OTOG: variants seen among roughly 807,000 people sequenced by gnomAD.
The protein encoded by OTOG is otogelin.
A neutral mutation model predicts 313.8 loss-of-function variants in OTOG; 296 were observed. The observed-to-expected ratio is 0.94, with a 90% CI of 0.86 to 1.04. The LOEUF (loss-of-function observed/expected upper bound fraction) is 1.04. Ranked by LOEUF, OTOG falls within the 50% of genes least tolerant of loss-of-function variation. The pLI is 0.00. For missense variants in OTOG, 3,948 were observed against 3,840.1 expected, an observed-to-expected ratio of 1.03 and a Z score of -0.74; for synonymous variants, 1,533 against 1,554.9, an observed-to-expected ratio of 0.99 and a Z score of 0.33.
chr11:17,602,508 A>C, intron 32 of OTOG, 131 bp downstream of exon 32: 1 of 1,068,366 alleles, frequency 9.4e-7, no homozygotes, highest in South Asian at 1.7e-5. Flanking sequence ...CCCCTCTCCC[A>C]GTTGAGATGG....
At position 17,561,422 on chromosome 11, in the gene OTOG, A is replaced by G. The variant is rs11024321; in HGVS notation, c.1499-240A>G. On this transcript the variant is annotated intron_variant, in intron 14 of 55. Coordinates refer to ENST00000399397, the MANE Select transcript of OTOG (RefSeq NM_001292063.2). Reference sequence around the variant, plus strand: ...TGGCCTGAGGCTGGTCCTCAAGGCTAGGCCCTGGTCTCCCCTCCAAGGGAG... The same window carrying G: ...TGGCCTGAGGCTGGTCCTCAAGGCTGGGCCCTGGTCTCCCCTCCAAGGGAG... 7.3e-3 allele frequency among the ~76,000 whole-genome samples: 1,118 copies of G among 152,312 alleles called. 7 individuals carry two copies. Among genetic ancestry groups the G allele is most frequent in the Non-Finnish European group, 0.013 (855 of 68,032 alleles).
In OTOG at chr11:17,631,854, G is replaced by T. The variant is rs1417295425; in HGVS notation, c.6865G>T (p.Ala2289Ser). ...GQTRFRPDSC[A>S]TTDCSPCLRM... is the part of the protein sequence containing the mutation. Reference sequence around the variant, plus strand: ...GACCCGCTTCCGCCCAGACAGCTGCGCCACAACTGACTGCTCGCCCTGCCT... The same window carrying T: ...GACCCGCTTCCGCCCAGACAGCTGCTCCACAACTGACTGCTCGCCCTGCCT... The change falls in exon 41 of 56, where the codon GCC (alanine) becomes TCC (serine). Residue 2289 changes from alanine (A) to serine (S), a missense_variant. Transcript: ENST00000399397. 6.4e-7 allele frequency: 1 copy of T among 1,550,448 alleles called. No homozygotes were observed.
rs535312212 is a variant in OTOG, at chr11:17,640,992, C to T, written c.8091C>T (p.Gly2697=). 121 of 1,548,496 alleles carry T rather than the reference C, an allele frequency of 7.8e-5. No homozygotes were observed. Among genetic ancestry groups the T allele is most frequent in the Non-Finnish European group, 9.7e-5 (111 of 1,146,978 alleles). Residue 2697 remains glycine, a synonymous_variant, in exon 51 of 56, where the codon GGC becomes GGT. Coordinates refer to ENST00000399397, the MANE Select transcript of OTOG (RefSeq NM_001292063.2). ...GQTVVELSAD[G]VCHTSRCTTV... is the part of the protein sequence containing the mutation. ...CAGTGGTGGAGCTCTCAGCAGATGGCGTGTGCCACACCTCCCGCTGCACCA... is the reference window on the plus strand; with the variant it reads ...CAGTGGTGGAGCTCTCAGCAGATGGTGTGTGCCACACCTCCCGCTGCACCA...
In OTOG at chr11:17,559,039, T is replaced by C. The variant is rs1466355036; in HGVS notation, c.1104-13T>C. ...GGTTTTGTTCCAGTGTGACCCTTGG[T>C]TTCTCTGCACAGATCAATGGGTGAT... On this transcript the variant is annotated splice_polypyrimidine_tract_variant and intron_variant, in intron 10 of 55. Coordinates refer to ENST00000399397, the MANE Select transcript of OTOG (RefSeq NM_001292063.2). The C allele has an allele frequency of 1.3e-6, 2 of 1,545,678 alleles. No homozygotes were observed.
At chr11:17,575,509 A>C (rs1425835215) in intron 20 of OTOG, among the ~76,000 whole-genome samples, 1 of 152,194 alleles carries the variant, frequency 6.6e-6, no homozygotes, top group Admixed American at 6.5e-5. Context: ...GGGGTGGCTC[A>C]AGGCCCAGCT....
chr11:17,559,432 A>G, intron 11 of OTOG, 102 bp from the exon 12 acceptor site: 1 of 1,452,096 alleles, frequency 6.9e-7, no homozygotes, highest in Non-Finnish European at 9.3e-7. Context: ...CATGAAAATC[A>G]AAGCCCTCCC....
At chr11:17,602,423 G>T in intron 32 of OTOG, 46 bp downstream of exon 32, 1 of 1,526,666 alleles carries the variant, frequency 6.6e-7, no homozygotes. Context: ...GGAGGCAGGA[G>T]GGTGCTAGAG....
In OTOG at chr11:17,634,907, C is replaced by T. The variant is rs1276048273; in HGVS notation, c.7544C>T (p.Thr2515Ile). ...TGCCGCCCAGGCCACCGCCTCCTCA[C>T]CCACTTCCAGGAGGACTCCTGCTGC... ...PTCRPGHRLL[T>I]HFQEDSCCPS... Residue 2515 changes from threonine (T) to isoleucine (I), a missense_variant, in exon 45 of 56, where the codon ACC (threonine) becomes ATC (isoleucine). Thr to Ile is a moderately conservative substitution (Grantham distance 89, BLOSUM62 -1). Coordinates refer to ENST00000399397, the MANE Select transcript of OTOG (RefSeq NM_001292063.2). The T allele has an allele frequency of 6.5e-7, 1 of 1,549,338 alleles. No homozygotes were observed. The highest frequency in any genetic ancestry group is 8.7e-7 in the Non-Finnish European group (1 of 1,146,850).
rs1852484449 is a variant in OTOG at position 17,574,790 on chromosome 11, G to A, written c.2364G>A (p.Leu788=). 1 of 1,550,648 alleles carries A rather than the reference G, an allele frequency of 6.4e-7. No homozygotes were observed. The highest frequency in any genetic ancestry group is 8.7e-7 in the Non-Finnish European group (1 of 1,146,954). Residue 788 remains leucine, a synonymous_variant, in exon 20 of 56, where the codon CTG becomes CTA. Transcript: ENST00000399397. The part of the protein sequence containing the change: ...VAPCGRTCQD[L]ASPEACGVDG... ...CGTGTGGACGTACCTGCCAGGACCT[G>A]GCCAGCCCTGAGGCCTGTGGGGTTG...
intron 54 of OTOG, among the ~76,000 whole-genome samples, chr11:17,644,768 C>CA (rs11411884): frequency 0.52 from 79,699 of 152,042 alleles, 22,997 homozygotes; most frequent in African/African-American, 0.78. Context: ...GCTTATGATT[C>CA]ACATCGTAAT....
chr11:17,599,628 C>A (rs1455554516), intron 30 of OTOG, 43 bp from the exon 31 acceptor site: 3 of 1,549,166 alleles, frequency 1.9e-6, no homozygotes, highest in Admixed American at 3.9e-5. Context: ...CTGTTCCAGG[C>A]TCTGGGCTGG....
In OTOG at chr11:17,599,521, A is replaced by G. The variant is rs11823125; in HGVS notation, c.3683-150A>G. ...TCCTCCACTTAAGACATCTGCATCC[A>G]TGACCATTCCCAAATCTTGACATGT... On this transcript the variant is annotated intron_variant, in intron 30 of 55. Transcript: ENST00000399397. 9,049 of 797,730 alleles carry G rather than the reference A, an allele frequency of 0.011. 575 individuals carry two copies. The African/African-American group carries it at 0.13, about 12-fold the overall frequency. 49.4% of individuals were successfully genotyped at this position (797,730 alleles called of 1,614,324 possible).
chr11:17,622,828 C>A (rs1853896627), intron 39 of OTOG, among the ~76,000 whole-genome samples: 1 of 152,226 alleles, frequency 6.6e-6, no homozygotes, highest in African/African-American at 2.4e-5. Context: ...GTGCAGATAT[C>A]ACTTCGATAT....
chr11:17,644,201 C>A (rs1451818073), intron 54 of OTOG, among the ~76,000 whole-genome samples: 1 of 152,258 alleles, frequency 6.6e-6, no homozygotes, highest in Non-Finnish European at 1.5e-5. Context: ...ACCTGGCACC[C>A]ACCAATGCCT....
chr11:17,613,182 C>CT (rs1313276200), intron 38 of OTOG, among the ~76,000 whole-genome samples: 2 of 96,304 alleles, frequency 2.1e-5, no homozygotes, highest in Admixed American at 9.4e-5. Context: ...TTCTTTCTTT[C>CT]TTTCTTTCTT....
At chr11:17,642,081 T>C (rs1429499829) in intron 52 of OTOG, 46 bp from the exon 53 acceptor site, 1 of 1,518,804 alleles carries the variant, frequency 6.6e-7, no homozygotes, top group Admixed American at 2.0e-5. Context: ...TTGCGCAGGC[T>C]GTCCATCTGG....
Position 17,613,592 on chromosome 11 carries a change from G to T in OTOG, c.6439-20G>T. On this transcript the variant is annotated intron_variant, in intron 38 of 55. Transcript: ENST00000399397. Reference sequence around the variant, plus strand: ...AGAGGACAGGGCTCCAAGTTGATGAGGGCTGGGTTCTCTCTGCAGGGGCAC... The same window carrying T: ...AGAGGACAGGGCTCCAAGTTGATGATGGCTGGGTTCTCTCTGCAGGGGCAC... 1 of 1,548,358 alleles carries T rather than the reference G, an allele frequency of 6.5e-7. No individual in the cohort carries two copies. Among genetic ancestry groups the T allele is most frequent in the Non-Finnish European group, 8.7e-7 (1 of 1,144,960 alleles).
intron 6 of OTOG, among the ~76,000 whole-genome samples, chr11:17,554,556 G>C (rs1386308611): frequency 2.6e-5 from 4 of 152,226 alleles, no homozygotes; most frequent in African/African-American, 4.8e-5. Flanking sequence ...GGTCAGTACT[G>C]AGTTAGGGTC....
intron 23 of OTOG, among the ~76,000 whole-genome samples, chr11:17,584,961 C>A (rs576313598): frequency 1.3e-5 from 2 of 152,108 alleles, no homozygotes; most frequent in South Asian, 4.1e-4. Flanking sequence ...TTGTGACTGA[C>A]GTATTATTTA....
Sources: allele counts gnomAD v4.1 joint callset (sites outside exome capture counted in the v4.1 genomes callset), GRCh38; gene constraint gnomAD v4.1.1; transcripts MANE v1.5; gene names NCBI Gene and HGNC (gene_info 2026-07-23, HGNC 2026-07-21).